FHIT: variants seen among roughly 807,000 people sequenced by gnomAD.
FHIT encodes the protein fragile histidine triad diadenosine triphosphatase, also known as bis(5'-adenosyl)-triphosphatase.
A neutral mutation model predicts 17.9 loss-of-function variants in FHIT; 19 were observed. The observed-to-expected ratio is 1.06, with a 90% confidence interval of 0.74 to 1.56. The LOEUF is 1.56. Among genes scored for constraint, FHIT ranks in the 40% most tolerant of loss-of-function variants. The pLI, the probability that FHIT is intolerant of heterozygous loss-of-function variation, is 0.00. For missense variants in FHIT, 248 were observed against 189.2 expected, an observed-to-expected ratio of 1.31 and a Z score of -1.82; for synonymous variants, 81 against 69.7, an observed-to-expected ratio of 1.16 and a Z score of -0.81.
At chr3:60,400,756 G>A (rs1379017465) in intron 5 of FHIT, among the ~76,000 whole-genome samples, 1 of 152,136 alleles carries the variant, frequency 6.6e-6, no homozygotes, top group African/African-American at 2.4e-5. Context: ...TGAAAAGACT[G>A]AGGAACTTAG....
At chr3:60,562,981 T>A (rs1189981926) in intron 4 of FHIT, among the ~76,000 whole-genome samples, 3 of 152,110 alleles carry the variant, frequency 2.0e-5, no homozygotes, top group Admixed American at 1.3e-4. Context: ...ATGAGTGAAA[T>A]CAACAGAAAT....
At chr3:61,007,701 C>G (rs568040126) in intron 3 of FHIT, among the ~76,000 whole-genome samples, 2 of 152,298 alleles carry the variant, frequency 1.3e-5, no homozygotes, top group East Asian at 3.9e-4. Flanking sequence ...GTGTTCCCTA[C>G]ACTTCAGAAG....
chr3:60,842,509 A>C (rs959134562), intron 3 of FHIT, among the ~76,000 whole-genome samples: 1 of 151,010 alleles, frequency 6.6e-6, no homozygotes, highest in Non-Finnish European at 1.5e-5. Flanking sequence ...GGTATATGTG[A>C]TATTTTTTAT....
intron 5 of FHIT, among the ~76,000 whole-genome samples, chr3:60,367,305 G>A (rs1700147816): frequency 1.3e-5 from 2 of 152,120 alleles, no homozygotes; most frequent in South Asian, 4.1e-4. Flanking sequence ...AGGAGCCAAG[G>A]CCCTGGGACC....
At chr3:60,824,483 T>C (rs1409572911) in intron 3 of FHIT, among the ~76,000 whole-genome samples, 2 of 152,054 alleles carry the variant, frequency 1.3e-5, no homozygotes, top group African/African-American at 2.4e-5. Flanking sequence ...TATAAGGAAC[T>C]CCTAAAATCA....
At chr3:60,051,105 C>T (rs1316787994) in intron 5 of FHIT, among the ~76,000 whole-genome samples, 5 of 152,096 alleles carry the variant, frequency 3.3e-5, no homozygotes, top group African/African-American at 9.7e-5. Flanking sequence ...TAGGGAGCTT[C>T]TGGTCTGCAT....
At chr3:59,968,195 C>T (rs1220636170) in intron 7 of FHIT, among the ~76,000 whole-genome samples, 2 of 151,996 alleles carry the variant, frequency 1.3e-5, no homozygotes, top group African/African-American at 2.4e-5. Context: ...TAGGCTGTAC[C>T]CACCATTGAC....
At chr3:60,968,778 T>G (rs1709871149) in intron 3 of FHIT, among the ~76,000 whole-genome samples, 1 of 152,148 alleles carries the variant, frequency 6.6e-6, no homozygotes, top group African/African-American at 2.4e-5. Context: ...TGCTGAGATT[T>G]TACCATGAAT....
intron 3 of FHIT, among the ~76,000 whole-genome samples, chr3:60,897,000 A>T (rs1026354391): frequency 6.6e-6 from 1 of 152,182 alleles, no homozygotes; most frequent in Non-Finnish European, 1.5e-5. Flanking sequence ...AATCAGACAC[A>T]TAGATAAAGA....
chr3:59,993,288 A>G (rs1211763403), intron 7 of FHIT, among the ~76,000 whole-genome samples: 2 of 152,050 alleles, frequency 1.3e-5, no homozygotes, highest in Non-Finnish European at 2.9e-5. Flanking sequence ...AGAGGTACTG[A>G]GTCTCACACA....
chr3:60,482,661 G>C (rs77322912), intron 5 of FHIT, among the ~76,000 whole-genome samples: 3 of 151,894 alleles, frequency 2.0e-5, no homozygotes, highest in Admixed American at 2.0e-4. Context: ...CAGAATCTCC[G>C]GGACACAGAG....
chr3:60,130,128 A>G (rs1349386785), intron 5 of FHIT, among the ~76,000 whole-genome samples: 1 of 152,154 alleles, frequency 6.6e-6, no homozygotes, highest in Non-Finnish European at 1.5e-5. Context: ...AAAAGTGAAA[A>G]GGAACCTTAG....
chr3:59,986,513 A>ATTTATACATT (rs1559523273), intron 7 of FHIT, among the ~76,000 whole-genome samples: 840 of 6,420 alleles, frequency 0.13, 130 homozygotes, highest in Middle Eastern at 0.31. Flanking sequence ...ATATATATAT[A>ATTTATACATT]TATATATATA....
At chr3:60,414,641 A>T (rs146686369) in intron 5 of FHIT, among the ~76,000 whole-genome samples, 246 of 152,310 alleles carry the variant, frequency 1.6e-3, no homozygotes, top group Middle Eastern at 6.8e-3. Context: ...TTAACACAGT[A>T]TCTACCATCC....
intron 8 of FHIT, among the ~76,000 whole-genome samples, chr3:59,771,068 G>T (rs969747305): frequency 2.0e-5 from 3 of 152,150 alleles, no homozygotes; most frequent in Admixed American, 1.3e-4. Flanking sequence ...GTTTTGGAGG[G>T]CAACAACATG....
intron 2 of FHIT, among the ~76,000 whole-genome samples, chr3:61,097,914 T>C (rs1576007851): frequency 1.3e-5 from 2 of 152,286 alleles, no homozygotes; most frequent in Non-Finnish European, 1.5e-5. Flanking sequence ...ATTCACTCTG[T>C]TGGTAGTTTC....
intron 5 of FHIT, among the ~76,000 whole-genome samples, chr3:60,205,540 A>T (rs1703131826): frequency 6.6e-6 from 1 of 152,120 alleles, no homozygotes; most frequent in Non-Finnish European, 1.5e-5. Flanking sequence ...TATTTGAGCA[A>T]AGGAGTTGGG....
At chr3:59,974,968 C>G (rs942243024) in intron 7 of FHIT, among the ~76,000 whole-genome samples, 1 of 152,118 alleles carries the variant, frequency 6.6e-6, no homozygotes, top group African/African-American at 2.4e-5. Flanking sequence ...CCAGCCTTCT[C>G]TAGTCCCTGT....
chr3:61,103,279 A>T (rs1209144286), intron 2 of FHIT, among the ~76,000 whole-genome samples: 3 of 152,236 alleles, frequency 2.0e-5, no homozygotes, highest in Non-Finnish European at 4.4e-5. Context: ...GTTTCAAAGA[A>T]CATCTTTATT....
Sources: allele counts gnomAD v4.1 joint callset (sites outside exome capture counted in the v4.1 genomes callset), GRCh38; gene constraint gnomAD v4.1.1; transcripts MANE v1.5; gene names NCBI Gene and HGNC (gene_info 2026-07-23, HGNC 2026-07-21).